The following ADTRP variants were observed in gnomAD, a reference collection of about 807,000 sequenced individuals.
ADTRP encodes androgen dependent TFPI regulating protein, also known as androgen-dependent TFPI-regulating protein.
Under a neutral mutation model 27.0 loss-of-function variants are expected in ADTRP, and 20 were observed. The observed-to-expected ratio is 0.74, with a 90% CI of 0.52 to 1.08. The LOEUF (loss-of-function observed/expected upper bound fraction) is 1.08. Among genes scored for constraint, ADTRP ranks in the 50% least tolerant of loss-of-function variants. The pLI is 0.00. For missense variants in ADTRP, 251 were observed against 275.0 expected (o/e 0.91, Z 0.62); for synonymous variants, 101 against 105.2 (o/e 0.96, Z 0.25).
chr6:11,716,015 G>T (rs545116897), intron 5 of ADTRP, among the ~76,000 whole-genome samples: 2 of 151,580 alleles, frequency 1.3e-5, no homozygotes, highest in South Asian at 4.2e-4. Flanking sequence ...CCCTAGTTAG[G>T]GCTTCTCTAC....
intron 3 of ADTRP, 45 bp from the exon 4 acceptor site, chr6:11,735,728 G>C: frequency 7.9e-7 from 1 of 1,268,620 alleles, no homozygotes; most frequent in South Asian, 1.2e-5. Context: ...GGTGTCCAGG[G>C]TGCCTACAGT....
chr6:11,716,185 C>A (rs1224962775), intron 5 of ADTRP, among the ~76,000 whole-genome samples: 1 of 152,196 alleles, frequency 6.6e-6, no homozygotes, highest in Non-Finnish European at 1.5e-5. Context: ...CGCAGTCACT[C>A]TGAGGATTCC....
intron 3 of ADTRP, among the ~76,000 whole-genome samples, chr6:11,742,096 A>G (rs1762737507): frequency 6.6e-6 from 1 of 152,084 alleles, no homozygotes; most frequent in Non-Finnish European, 1.5e-5. Context: ...TCAGGTGCAT[A>G]GTCTGGTACG....
chr6:11,757,360 C>T (rs1763246457), intron 3 of ADTRP, among the ~76,000 whole-genome samples: 1 of 152,192 alleles, frequency 6.6e-6, no homozygotes, highest in Admixed American at 6.5e-5. Flanking sequence ...TTCTATCAAT[C>T]TCCTTTGCCT....
intron 3 of ADTRP, 40 bp downstream of exon 3, chr6:11,766,234 T>C (rs1399411516): frequency 6.8e-7 from 1 of 1,466,746 alleles, no homozygotes; most frequent in Non-Finnish European, 9.5e-7. Flanking sequence ...GTACAGAGGC[T>C]ATTGGTGTTC....
intron 5 of ADTRP, among the ~76,000 whole-genome samples, chr6:11,715,705 G>A (rs145122410): frequency 3.9e-4 from 56 of 143,162 alleles, no homozygotes; most frequent in Non-Finnish European, 7.6e-4. Flanking sequence ...GAATACGGTG[G>A]CACAATCTCA....
At position 11,739,097 on chromosome 6, in the gene ADTRP, T is replaced by C. The variant is rs548681223; in HGVS notation, c.391-3414A>G. ...GAGAAAAATAAAATATGTTTTTGCT[T>C]CCAAAAAATCTAATAATTAGGCTGC... On this transcript the variant is annotated intron_variant, in intron 3 of 5. Coordinates refer to ENST00000414691, the MANE Select transcript of ADTRP (RefSeq NM_032744.4). Among the ~76,000 whole-genome samples the C allele has an allele frequency of 1.7e-4, 26 of 152,132 alleles. 1 individual carries two copies. The highest frequency in any genetic ancestry group is 3.5e-4 in the Non-Finnish European group (24 of 67,988).
intron 3 of ADTRP, chr6:11,754,927 C>T (rs558819001): frequency 3.0e-5 from 22 of 723,444 alleles, no homozygotes; most frequent in Middle Eastern, 7.0e-4. Context: ...GGATTTTTCA[C>T]GTCTGTCTTG....
At chr6:11,716,251 G>A (rs2113865008) in intron 5 of ADTRP, among the ~76,000 whole-genome samples, 1 of 152,274 alleles carries the variant, frequency 6.6e-6, no homozygotes, top group African/African-American at 2.4e-5. Flanking sequence ...AAGCCTAACT[G>A]TAATAATAAC....
intron 3 of ADTRP, among the ~76,000 whole-genome samples, chr6:11,752,727 C>T (rs142197476): frequency 6.6e-6 from 1 of 152,252 alleles, no homozygotes; most frequent in African/African-American, 2.4e-5. Context: ...TTGAAACTAC[C>T]CACTAGGGAA....
chr6:11,770,786 T>TC (rs1201186883), intron 1 of ADTRP, among the ~76,000 whole-genome samples: 1 of 151,956 alleles, frequency 6.6e-6, no homozygotes, highest in Non-Finnish European at 1.5e-5. Flanking sequence ...CCTCTCTCCC[T>TC]CCCCCACCAG....
chr6:11,758,579 G>C (rs1471281201), intron 3 of ADTRP, among the ~76,000 whole-genome samples: 3 of 116,796 alleles, frequency 2.6e-5, no homozygotes, highest in Admixed American at 1.6e-4. Flanking sequence ...GTGGGGTGGG[G>C]GGGGGGGACG....
intron 4 of ADTRP, among the ~76,000 whole-genome samples, chr6:11,723,946 GCT>G (rs1762102869): frequency 1.3e-5 from 2 of 152,154 alleles, no homozygotes; most frequent in Admixed American, 6.5e-5. Context: ...TGTAATCCCA[GCT>G]ACTAGGGAGG....
At chr6:11,715,955 G>A (rs1761811471) in intron 5 of ADTRP, among the ~76,000 whole-genome samples, 1 of 151,384 alleles carries the variant, frequency 6.6e-6, no homozygotes, top group Admixed American at 6.6e-5. Flanking sequence ...TTACAGGCAA[G>A]AGCCACCACC....
At chr6:11,761,048 T>C (rs753700416) in intron 3 of ADTRP, among the ~76,000 whole-genome samples, 1 of 152,124 alleles carries the variant, frequency 6.6e-6, no homozygotes, top group Non-Finnish European at 1.5e-5. Flanking sequence ...GCCATGCTGG[T>C]CTTCTTGTTT....
chr6:11,752,635 C>T (rs911007197), intron 3 of ADTRP, among the ~76,000 whole-genome samples: 5 of 152,324 alleles, frequency 3.3e-5, no homozygotes, highest in Admixed American at 1.3e-4. Flanking sequence ...CTCAGCTACT[C>T]GCAGGATGAA....
intron 1 of ADTRP, among the ~76,000 whole-genome samples, chr6:11,777,000 T>C (rs1763976116): frequency 6.6e-6 from 1 of 152,158 alleles, no homozygotes; most frequent in African/African-American, 2.4e-5. Context: ...AGAGATGATA[T>C]GGTCATCCAG....
chr6:11,721,761 A>G lies in ADTRP; in HGVS notation c.658+1588T>C, dbSNP rs1762030352. Among the ~76,000 whole-genome samples, 5 of 152,208 alleles carry G rather than the reference A, an allele frequency of 3.3e-5. No homozygotes were observed. In the South Asian group the frequency reaches 1.0e-3, roughly 32 times the overall value. ...TATCTGTTTATTGAGACCTAATTAT[A>G]GTTAAAAATTGGATGCAGTACTTAA... On this transcript the variant is annotated intron_variant, in intron 5 of 5. Coordinates refer to ENST00000414691, the MANE Select transcript of ADTRP (RefSeq NM_032744.4).
chr6:11,727,890 G>A (rs1396488879), intron 4 of ADTRP, among the ~76,000 whole-genome samples: 4 of 149,166 alleles, frequency 2.7e-5, no homozygotes, highest in Non-Finnish European at 6.0e-5. Flanking sequence ...ATGAGGGGAA[G>A]GTGGGAAGAG....
Sources: allele counts gnomAD v4.1 joint callset (sites outside exome capture counted in the v4.1 genomes callset), GRCh38; gene constraint gnomAD v4.1.1; transcripts MANE v1.5; gene names NCBI Gene and HGNC (gene_info 2026-07-23, HGNC 2026-07-21).